Variants in DGKI observed in about 807,000 individuals in gnomAD.
DGKI encodes DAG kinase iota.
In DGKI, 55 loss-of-function variants were observed where a neutral mutation model predicts 147.5. The observed-to-expected ratio is 0.37, with a 90% CI of 0.30 to 0.47. DGKI has a LOEUF of 0.47. DGKI is among the 20% of genes least tolerant of loss of function. The pLI is 1.00. For missense variants in DGKI, 1,007 were observed against 1,323.8 expected (o/e 0.76, Z 3.71); for synonymous variants, 469 against 477.1 (o/e 0.98, Z 0.22).
chr7:137,675,962 T>C (rs916042124), intron 3 of DGKI, among the ~76,000 whole-genome samples: 5 of 152,186 alleles, frequency 3.3e-5, no homozygotes, highest in South Asian at 2.1e-4. Context: ...CTGTAGCCCA[T>C]GTAACCTAAC....
At chr7:137,733,273 A>G (rs1300519640) in intron 1 of DGKI, among the ~76,000 whole-genome samples, 3 of 151,876 alleles carry the variant, frequency 2.0e-5, no homozygotes, top group African/African-American at 7.3e-5. Flanking sequence ...CCTGGTAACC[A>G]CCATTCTACT....
intron 3 of DGKI, among the ~76,000 whole-genome samples, chr7:137,666,055 G>A (rs1483568811): frequency 3.3e-5 from 5 of 152,114 alleles, no homozygotes; most frequent in Non-Finnish European, 5.9e-5. Context: ...GATTAAGTTT[G>A]GTAAAAACTA....
At chr7:137,827,270 A>G (rs1055830044) in intron 1 of DGKI, among the ~76,000 whole-genome samples, 1 of 152,190 alleles carries the variant, frequency 6.6e-6, no homozygotes, top group African/African-American at 2.4e-5. Context: ...TATAGGCTCA[A>G]AAACCTCCAA....
chr7:137,687,683 C>T (rs1823466701), intron 2 of DGKI, among the ~76,000 whole-genome samples: 1 of 152,122 alleles, frequency 6.6e-6, no homozygotes, highest in Non-Finnish European at 1.5e-5. Flanking sequence ...TTTGCTGACA[C>T]CAAAATCAGC....
At chr7:137,659,431 C>T (rs1416829649) in intron 3 of DGKI, among the ~76,000 whole-genome samples, 2 of 152,154 alleles carry the variant, frequency 1.3e-5, no homozygotes, top group Non-Finnish European at 2.9e-5. Flanking sequence ...AGCTTCCGGA[C>T]AGAAATTGCC....
intron 1 of DGKI, among the ~76,000 whole-genome samples, chr7:137,833,764 G>T (rs1798285433): frequency 1.3e-5 from 2 of 152,166 alleles, no homozygotes; most frequent in African/African-American, 4.8e-5. Context: ...TCAGGGTGGT[G>T]AGAGGAAGCC....
At chr7:137,504,607 C>T (rs542420301) in intron 21 of DGKI, among the ~76,000 whole-genome samples, 32 of 152,266 alleles carry the variant, frequency 2.1e-4, no homozygotes, top group Middle Eastern at 3.4e-3. Flanking sequence ...CTTGTTAACA[C>T]TATGTATATA....
At chr7:137,816,531 A>G (rs1257354216) in intron 1 of DGKI, among the ~76,000 whole-genome samples, 2 of 152,182 alleles carry the variant, frequency 1.3e-5, no homozygotes, top group Non-Finnish European at 2.9e-5. Context: ...CCATATATTG[A>G]ACTTTTCCAT....
At chr7:137,589,911 G>C (rs539053932) in intron 12 of DGKI, among the ~76,000 whole-genome samples, 1 of 152,114 alleles carries the variant, frequency 6.6e-6, no homozygotes, top group Admixed American at 6.5e-5. Flanking sequence ...ATTTAAATTA[G>C]ACATTTTTCT....
At chr7:137,647,940 C>G (rs1821887382) in intron 5 of DGKI, among the ~76,000 whole-genome samples, 1 of 152,100 alleles carries the variant, frequency 6.6e-6, no homozygotes, top group Non-Finnish European at 1.5e-5. Flanking sequence ...AGTGGTTACT[C>G]AAAATGTAAA....
In DGKI at chr7:137,691,798, G is replaced by GTTTTTTTTTTTTTTT. The variant is rs796902464; in HGVS notation, c.402-1811_402-1797dup. Among the ~76,000 whole-genome samples the GTTTTTTTTTTTTTTT allele has an allele frequency of 2.8e-3, 269 of 95,748 alleles. 8 individuals carry two copies. Among genetic ancestry groups the GTTTTTTTTTTTTTTT allele is most frequent in the African/African-American group, 7.2e-3 (185 of 25,590 alleles). 62.8% of individuals were successfully genotyped at this position (95,748 alleles called of 152,430 possible). On this transcript the variant is annotated intron_variant, in intron 1 of 32. Coordinates refer to ENST00000614521, the MANE Select transcript of DGKI (RefSeq NM_001321708.2). ...GCTCAGCAAGTGTCTAGACCTTTGG[G>GTTTTTTTTTTTTTTT]TTTTTTTTTTTTTTTTTTTTTTTAA...
chr7:137,796,521 T>C (rs1009618547), intron 1 of DGKI, among the ~76,000 whole-genome samples: 16 of 150,184 alleles, frequency 1.1e-4, no homozygotes, highest in Admixed American at 2.7e-4. Flanking sequence ...GCTTTACGTA[T>C]GTTCAAAGAA....
chr7:137,475,927 A>G (rs1815155782), intron 23 of DGKI, among the ~76,000 whole-genome samples: 1 of 152,210 alleles, frequency 6.6e-6, no homozygotes, highest in Admixed American at 6.5e-5. Context: ...AATAGAAGAC[A>G]GCAGAATAAA....
chr7:137,408,961 C>A (rs1484066473), intron 29 of DGKI, among the ~76,000 whole-genome samples: 1 of 152,150 alleles, frequency 6.6e-6, no homozygotes, highest in Non-Finnish European at 1.5e-5. Context: ...TTAGATGGCA[C>A]ACATTATAGA....
intron 1 of DGKI, among the ~76,000 whole-genome samples, chr7:137,801,080 G>A (rs1797191072): frequency 6.6e-6 from 1 of 152,158 alleles, no homozygotes; most frequent in South Asian, 2.1e-4. Context: ...TTTTCATTCT[G>A]CAAAGTGTTT....
intron 21 of DGKI, among the ~76,000 whole-genome samples, chr7:137,517,323 G>GAAAGAA (rs1554421277): frequency 2.6e-4 from 26 of 99,772 alleles, no homozygotes; most frequent in Middle Eastern, 6.6e-3. Context: ...AAGAAAGAAA[G>GAAAGAA]AAAGAAAGAA....
intron 2 of DGKI, among the ~76,000 whole-genome samples, chr7:137,682,714 GGCC>G (rs1403624298): frequency 6.6e-6 from 1 of 152,102 alleles, no homozygotes; most frequent in African/African-American, 2.4e-5. Context: ...AATTAGGTGT[GGCC>G]AAATTCTGAA....
intron 1 of DGKI, among the ~76,000 whole-genome samples, chr7:137,818,029 A>C (rs149650537): frequency 0.015 from 2,270 of 152,326 alleles, 72 homozygotes; most frequent in African/African-American, 0.052. Context: ...ACATTGTCTT[A>C]CAGCATGAGA....
chr7:137,667,376 A>G (rs1290127027), intron 3 of DGKI, among the ~76,000 whole-genome samples: 10 of 152,110 alleles, frequency 6.6e-5, no homozygotes, highest in Non-Finnish European at 1.5e-4. Context: ...TTAATAGAAA[A>G]TGGTGTTTCT....
Sources: allele counts gnomAD v4.1 joint callset (sites outside exome capture counted in the v4.1 genomes callset), GRCh38; gene constraint gnomAD v4.1.1; transcripts MANE v1.5; gene names NCBI Gene and HGNC (gene_info 2026-07-23, HGNC 2026-07-21).